Variants in SHROOM3 observed in about 807,000 individuals in gnomAD.
SHROOM3 encodes protein Shroom3.
A neutral mutation model predicts 138.6 loss-of-function variants in SHROOM3; 47 were observed. That is an observed-to-expected ratio of 0.34 (90% CI 0.27 to 0.43). The LOEUF (loss-of-function observed/expected upper bound fraction) is 0.43. Ranked by LOEUF, SHROOM3 falls within the 20% of genes least tolerant of loss-of-function variation. The pLI is 1.00. For synonymous variants in SHROOM3, 1,062 were observed against 1,063.3 expected (o/e 1.00, Z 0.02); for missense variants, 2,491 against 2,596.5 (o/e 0.96, Z 0.88).
chr4:76,616,918 G>A (rs1275246312), intron 2 of SHROOM3, among the ~76,000 whole-genome samples: 2 of 152,170 alleles, frequency 1.3e-5, no homozygotes, highest in African/African-American at 4.8e-5. Context: ...AAGTTAACAT[G>A]GAACAGATAG....
intron 1 of SHROOM3, among the ~76,000 whole-genome samples, chr4:76,543,801 A>G (rs922879388): frequency 6.6e-6 from 1 of 152,214 alleles, no homozygotes; most frequent in Admixed American, 6.5e-5. Flanking sequence ...CTAGAACTCA[A>G]TGAAAAAAAG....
chr4:76,697,448 C>G (rs1278345916), intron 2 of SHROOM3, among the ~76,000 whole-genome samples: 4 of 152,102 alleles, frequency 2.6e-5, no homozygotes, highest in African/African-American at 9.7e-5. Context: ...TTGTTATGCT[C>G]TTCTTGGAAC....
chr4:76,600,788 C>G (rs993290591), intron 2 of SHROOM3, among the ~76,000 whole-genome samples: 2 of 152,018 alleles, frequency 1.3e-5, no homozygotes. Context: ...TGAAAACAAA[C>G]GAGTATTTTT....
chr4:76,694,803 T>G (rs1283677009), intron 2 of SHROOM3, among the ~76,000 whole-genome samples: 1 of 152,100 alleles, frequency 6.6e-6, no homozygotes, highest in Non-Finnish European at 1.5e-5. Context: ...TTACTAGGAG[T>G]CAAGCACTGT....
chr4:76,769,974 A>G (rs1424532821), intron 9 of SHROOM3, among the ~76,000 whole-genome samples: 1 of 152,126 alleles, frequency 6.6e-6, no homozygotes, highest in East Asian at 1.9e-4. Flanking sequence ...CTGCCTACTT[A>G]CCCATAGTAT....
intron 3 of SHROOM3, among the ~76,000 whole-genome samples, chr4:76,727,339 A>G (rs113411417): frequency 0.013 from 1,926 of 152,306 alleles, 32 homozygotes; most frequent in African/African-American, 0.044. Flanking sequence ...CAGACTTACT[A>G]GCTGTGTGAT....
rs1579172514 is a variant in SHROOM3, at chr4:76,466,011, C to A, written c.168+29791C>A. Among the ~76,000 whole-genome samples the A allele has an allele frequency of 2.0e-5, 3 of 152,142 alleles. No homozygotes were observed. In the South Asian group the frequency reaches 6.2e-4, roughly 31 times the overall value. On this transcript the variant is annotated intron_variant, in intron 1 of 10. Transcript: ENST00000296043. Reference sequence around the variant, plus strand: ...AATTCCCAGGATTGAGGACAATAACCAAGAACCTGAACAGCATTTACGTGT... The same window carrying A: ...AATTCCCAGGATTGAGGACAATAACAAAGAACCTGAACAGCATTTACGTGT...
At chr4:76,684,355 C>T (rs1424537085) in intron 2 of SHROOM3, among the ~76,000 whole-genome samples, 3 of 152,196 alleles carry the variant, frequency 2.0e-5, no homozygotes, top group Non-Finnish European at 4.4e-5. Flanking sequence ...TGCTGGCTAC[C>T]TTCACCCTCT....
intron 1 of SHROOM3, among the ~76,000 whole-genome samples, chr4:76,482,178 T>G (rs1336934983): frequency 6.6e-6 from 1 of 151,950 alleles, no homozygotes; most frequent in Non-Finnish European, 1.5e-5. Flanking sequence ...GAGAAAGAAA[T>G]AAAGGGTATT....
At chr4:76,580,512 G>A (rs997446706) in intron 2 of SHROOM3, among the ~76,000 whole-genome samples, 1 of 148,200 alleles carries the variant, frequency 6.7e-6, no homozygotes, top group Non-Finnish European at 1.5e-5. Flanking sequence ...GAGTGTAACG[G>A]CGTGATCTTG....
At chr4:76,502,040 GAATT>G (rs1369769820) in intron 1 of SHROOM3, among the ~76,000 whole-genome samples, 2 of 152,126 alleles carry the variant, frequency 1.3e-5, no homozygotes, top group Non-Finnish European at 2.9e-5. Context: ...CCTCATGAAT[GAATT>G]AATCCATTGA....
At chr4:76,576,299 A>G (rs1170208901) in intron 2 of SHROOM3, among the ~76,000 whole-genome samples, 3 of 152,352 alleles carry the variant, frequency 2.0e-5, no homozygotes, top group South Asian at 4.1e-4. Flanking sequence ...CTTACACACA[A>G]TGGAATATTA....
intron 1 of SHROOM3, among the ~76,000 whole-genome samples, chr4:76,440,622 T>C (rs1381582538): frequency 6.6e-6 from 1 of 152,192 alleles, no homozygotes; most frequent in East Asian, 1.9e-4. Context: ...TCTTGGCAAA[T>C]ATATTCATGG....
At chr4:76,683,169 C>T (rs1719246177) in intron 2 of SHROOM3, among the ~76,000 whole-genome samples, 2 of 152,060 alleles carry the variant, frequency 1.3e-5, no homozygotes, top group South Asian at 4.2e-4. Context: ...TTACAGTCAA[C>T]GTAGTTTTGC....
intron 2 of SHROOM3, among the ~76,000 whole-genome samples, chr4:76,594,909 G>C (rs1734348896): frequency 6.6e-6 from 1 of 152,164 alleles, no homozygotes; most frequent in Non-Finnish European, 1.5e-5. Context: ...CAAATAAAAA[G>C]AGATGAAGAT....
At chr4:76,446,900 T>C (rs943030352) in intron 1 of SHROOM3, among the ~76,000 whole-genome samples, 6 of 152,244 alleles carry the variant, frequency 3.9e-5, no homozygotes, top group African/African-American at 1.4e-4. Flanking sequence ...TCCAGCTTCA[T>C]CTACTGCTGA....
At chr4:76,526,088 C>A (rs1478451755) in intron 1 of SHROOM3, among the ~76,000 whole-genome samples, 3 of 152,198 alleles carry the variant, frequency 2.0e-5, no homozygotes, top group African/African-American at 7.2e-5. Context: ...TAAATGTCGG[C>A]CAGGTGCGGT....
intron 10 of SHROOM3, among the ~76,000 whole-genome samples, chr4:76,771,963 A>C (rs1722374931): frequency 6.6e-6 from 1 of 152,164 alleles, no homozygotes; most frequent in Admixed American, 6.5e-5. Flanking sequence ...ACTGAACAAC[A>C]AACAGTAGAC....
intron 5 of SHROOM3, among the ~76,000 whole-genome samples, chr4:76,745,183 G>T (rs1441133890): frequency 6.6e-6 from 1 of 152,202 alleles, no homozygotes; most frequent in Non-Finnish European, 1.5e-5. Context: ...CTTTCTGTGA[G>T]ACCTTGGAAA....
Sources: gnomAD v4.1 joint callset for allele counts (sites outside exome capture counted in the v4.1 genomes callset) on GRCh38, gnomAD v4.1.1 for gene constraint, MANE v1.5 for transcripts, NCBI Gene and HGNC (gene_info 2026-07-23, HGNC 2026-07-21) for gene names.